Variants in NAALADL2 observed in about 807,000 individuals in gnomAD.
The protein encoded by NAALADL2 is inactive N-acetylated-alpha-linked acidic dipeptidase-like protein 2.
In NAALADL2, 76 loss-of-function variants were observed where a neutral mutation model predicts 87.2. The observed-to-expected ratio is 0.87, with a 90% CI of 0.72 to 1.05. NAALADL2 has a LOEUF of 1.05. Among genes scored for constraint, NAALADL2 ranks in the 50% least tolerant of loss-of-function variants. The pLI is 0.00. For missense variants in NAALADL2, 1,089 were observed against 945.8 expected, an observed-to-expected ratio of 1.15 and a Z score of -1.99; for synonymous variants, 354 against 331.0, an observed-to-expected ratio of 1.07 and a Z score of -0.75.
At chr3:175,354,725 C>T (rs1764151150) in intron 5 of NAALADL2, among the ~76,000 whole-genome samples, 3 of 151,832 alleles carry the variant, frequency 2.0e-5, no homozygotes, top group Admixed American at 6.6e-5. Flanking sequence ...ACAATCATAA[C>T]TCACTGTAGC....
At chr3:175,035,811 G>T (rs1348191886) in intron 1 of NAALADL2, among the ~76,000 whole-genome samples, 5 of 152,030 alleles carry the variant, frequency 3.3e-5, no homozygotes, top group African/African-American at 1.2e-4. Context: ...AGACTCATTT[G>T]GGAAGCTTAT....
intron 2 of NAALADL2, among the ~76,000 whole-genome samples, chr3:174,671,567 A>G (rs1244357160): frequency 1.3e-5 from 2 of 152,120 alleles, no homozygotes; most frequent in African/African-American, 4.8e-5. Flanking sequence ...TCTTTCAAAC[A>G]TTAGGCACAA....
chr3:175,360,768 G>A (rs1351128081), intron 5 of NAALADL2, among the ~76,000 whole-genome samples: 3 of 148,466 alleles, frequency 2.0e-5, no homozygotes, highest in African/African-American at 7.4e-5. Context: ...TAGCTCTCAG[G>A]GTATGTTAAT....
At position 175,599,033 on chromosome 3, in the gene NAALADL2, G is replaced by A. The variant is rs1167502600; in HGVS notation, c.1800+22846G>A. Among the ~76,000 whole-genome samples the A allele has an allele frequency of 4.6e-5, 7 of 152,112 alleles. No homozygotes were observed. The East Asian group carries it at 7.7e-4, about 17-fold the overall frequency. On this transcript the variant is annotated intron_variant, in intron 10 of 13. Coordinates refer to ENST00000454872, the MANE Select transcript of NAALADL2 (RefSeq NM_207015.3). ...GCCTTGAGTGCAGGTGTTACTTAGC[G>A]CCTTGGAAGAACATCTTTGTTATAC...
intron 1 of NAALADL2, among the ~76,000 whole-genome samples, chr3:175,009,937 C>CA (rs1354011706): frequency 1.3e-5 from 2 of 151,852 alleles, no homozygotes; most frequent in African/African-American, 2.4e-5. Flanking sequence ...TAAATGTTAA[C>CA]AAAATCACGC....
At chr3:175,393,089 A>G (rs1769268288) in intron 5 of NAALADL2, among the ~76,000 whole-genome samples, 1 of 151,700 alleles carries the variant, frequency 6.6e-6, no homozygotes, top group African/African-American at 2.4e-5. Context: ...CCTGGCTAAC[A>G]AGGTGAAACC....
intron 9 of NAALADL2, among the ~76,000 whole-genome samples, chr3:175,511,725 C>T (rs1731185044): frequency 6.6e-6 from 1 of 152,164 alleles, no homozygotes; most frequent in Admixed American, 6.5e-5. Flanking sequence ...CACCAGATCA[C>T]ACAGATTCTG....
At chr3:175,345,882 G>C (rs148425624) in intron 5 of NAALADL2, among the ~76,000 whole-genome samples, 2 of 152,226 alleles carry the variant, frequency 1.3e-5, no homozygotes, top group East Asian at 3.9e-4. Flanking sequence ...CCACTTTCCT[G>C]CAGGGGCAAT....
chr3:174,660,092 C>A (rs141688750), intron 2 of NAALADL2, among the ~76,000 whole-genome samples: 1 of 151,938 alleles, frequency 6.6e-6, no homozygotes, highest in Non-Finnish European at 1.5e-5. Flanking sequence ...TTATAAGCCA[C>A]GACAAATTTA....
chr3:175,379,901 A>G (rs958792016), intron 5 of NAALADL2, among the ~76,000 whole-genome samples: 1 of 152,182 alleles, frequency 6.6e-6, no homozygotes, highest in Admixed American at 6.5e-5. Flanking sequence ...GTTTACTCAG[A>G]GAAGCATATT....
At chr3:174,904,989 T>G (rs926440797) in intron 1 of NAALADL2, among the ~76,000 whole-genome samples, 1 of 151,904 alleles carries the variant, frequency 6.6e-6, no homozygotes, top group African/African-American at 2.4e-5. Flanking sequence ...ATTGCTGTAT[T>G]GTTATTTTTA....
At chr3:175,077,569 T>A (rs1716844548) in intron 1 of NAALADL2, among the ~76,000 whole-genome samples, 1 of 152,208 alleles carries the variant, frequency 6.6e-6, no homozygotes, top group South Asian at 2.1e-4. Context: ...ATATTTAAAA[T>A]GTAATGAATT....
At chr3:175,573,195 G>A (rs367756621) in intron 9 of NAALADL2, among the ~76,000 whole-genome samples, 1 of 152,156 alleles carries the variant, frequency 6.6e-6, no homozygotes, top group East Asian at 1.9e-4. Flanking sequence ...GGCTGAGCAT[G>A]GGTGGATGTT....
rs144918359 is a variant in NAALADL2 at position 175,648,121 on chromosome 3, G to A, written c.1896+20735G>A. The stretch of plus-strand genomic sequence containing the variant: ...TGCTTTAGGTATGTTTCTGAAAATA[G>A]TACAATTGGACCCTTGGGGTGGGGG... On this transcript the variant is annotated intron_variant, in intron 11 of 13. Coordinates refer to ENST00000454872, the MANE Select transcript of NAALADL2 (RefSeq NM_207015.3). 7.9e-5 allele frequency among the ~76,000 whole-genome samples: 12 copies of A among 152,246 alleles called. No individual in the cohort carries two copies. The East Asian group carries it at 1.9e-3, about 25-fold the overall frequency.
intron 2 of NAALADL2, among the ~76,000 whole-genome samples, chr3:175,131,923 C>T (rs1728013154): frequency 8.9e-6 from 1 of 112,976 alleles, no homozygotes; most frequent in Non-Finnish European, 1.8e-5. Flanking sequence ...AGAGGGGCTC[C>T]TCACTTCCCA....
chr3:175,792,346 ATTCT>A (rs140369977), intron 13 of NAALADL2, among the ~76,000 whole-genome samples: 10,166 of 152,266 alleles, frequency 0.067, 370 homozygotes, highest in South Asian at 0.11. Flanking sequence ...ACATTAAATC[ATTCT>A]TTCATTAATA....
At chr3:175,427,006 T>A (rs1478198305) in intron 5 of NAALADL2, among the ~76,000 whole-genome samples, 1 of 152,220 alleles carries the variant, frequency 6.6e-6, no homozygotes, top group Non-Finnish European at 1.5e-5. Context: ...TAGGTAATCA[T>A]TTTTGAAAGA....
chr3:175,283,951 G>C (rs912553830), intron 4 of NAALADL2, among the ~76,000 whole-genome samples: 1 of 151,260 alleles, frequency 6.6e-6, no homozygotes, highest in African/African-American at 2.4e-5. Context: ...GGACAAAAAT[G>C]TTCTATTTGC....
At chr3:175,169,456 A>AATATATATATATATATATATAT in intron 2 of NAALADL2, among the ~76,000 whole-genome samples, 1 of 147,114 alleles carries the variant, frequency 6.8e-6, no homozygotes, top group Non-Finnish European at 1.5e-5. Flanking sequence ...TAGTTGTAAG[A>AATATATATATATATATATATAT]ATATATATAT....
Sources: allele counts gnomAD v4.1 joint callset (sites outside exome capture counted in the v4.1 genomes callset), GRCh38; gene constraint gnomAD v4.1.1; transcripts MANE v1.5; gene names NCBI Gene and HGNC (gene_info 2026-07-23, HGNC 2026-07-21).